Variants in PIEZO2 observed in about 807,000 individuals in gnomAD.
PIEZO2 encodes the protein piezo type mechanosensitive ion channel component 2, also known as piezo-type mechanosensitive ion channel component 2.
In PIEZO2, 172 loss-of-function variants were observed where a neutral mutation model predicts 337.3. That is an observed-to-expected ratio of 0.51 (90% CI 0.45 to 0.58). PIEZO2 has a LOEUF of 0.58. Ranked by LOEUF, PIEZO2 falls within the 20% of genes least tolerant of loss-of-function variation. PIEZO2 has a pLI of 0.00. For missense variants in PIEZO2, 3,028 were observed against 3,391.3 expected (o/e 0.89, Z 2.66); for synonymous variants, 1,251 against 1,228.5 (o/e 1.02, Z -0.38).
At chr18:10,723,426 G>C (rs1009777917) in intron 36 of PIEZO2, among the ~76,000 whole-genome samples, 1 of 152,156 alleles carries the variant, frequency 6.6e-6, no homozygotes, top group African/African-American at 2.4e-5. Context: ...CTGGAGACTG[G>C]GTATAGATGA....
At position 10,862,828 on chromosome 18, in the gene PIEZO2, T is replaced by C. The variant is rs1027207383; in HGVS notation, c.493-5617A>G. Among the ~76,000 whole-genome samples the C allele has an allele frequency of 3.3e-5, 5 of 152,360 alleles. No individual in the cohort carries two copies. Among genetic ancestry groups the C allele is most frequent in the East Asian group, 1.9e-4 (1 of 5,186 alleles). On this transcript the variant is annotated intron_variant, in intron 5 of 55. Coordinates refer to ENST00000674853, the MANE Select transcript of PIEZO2 (RefSeq NM_001378183.1). This position sits in a 1 kb window ranked among gnomAD's most constrained non-coding sequence, Gnocchi z 4.4. The stretch of plus-strand genomic sequence containing the variant: ...CAACCACTGATCAATGAATTCTCCA[T>C]AGGGGTTCAGCTGAATAGGCACAAT...
At chr18:11,060,314 TA>T (rs2037897599) in intron 2 of PIEZO2, among the ~76,000 whole-genome samples, 1 of 152,118 alleles carries the variant, frequency 6.6e-6, no homozygotes, top group Admixed American at 6.5e-5. Flanking sequence ...AGGAAAGTTC[TA>T]AAATTGACAC....
chr18:10,884,600 C>T (rs534351108), intron 4 of PIEZO2, among the ~76,000 whole-genome samples: 2 of 152,284 alleles, frequency 1.3e-5, no homozygotes, highest in African/African-American at 4.8e-5. Flanking sequence ...CTGCCTGCTT[C>T]GTGGAGGTGG....
rs2034579848 is a variant in PIEZO2 at position 10,979,443 on chromosome 18, G to A, written c.286+92C>T. 1 of 1,231,696 alleles carries A rather than the reference G, an allele frequency of 8.1e-7. No individual in the cohort carries two copies. The highest frequency in any genetic ancestry group is 1.0e-6 in the Non-Finnish European group (1 of 955,848). The allele number at this position is 1,231,696 out of a possible 1,614,324, so 76.3% of individuals were successfully genotyped here. ...AATTTTATAATTTAATTATTGCATA[G>A]ATTTCTATGTGTGCGATGACACACA... is the stretch of plus-strand genomic sequence containing the variant. On this transcript the variant is annotated intron_variant, in intron 3 of 55. Transcript: ENST00000674853. This position sits in a 1 kb window ranked among gnomAD's most constrained non-coding sequence, Gnocchi z 4.0.
intron 35 of PIEZO2, among the ~76,000 whole-genome samples, chr18:10,733,874 T>C (rs181019723): frequency 2.0e-5 from 3 of 152,330 alleles, no homozygotes; most frequent in Admixed American, 6.5e-5. Context: ...TGAAAGACCT[T>C]TGAGCTCTCC....
chr18:10,882,457 A>T (rs563756897), intron 4 of PIEZO2, among the ~76,000 whole-genome samples: 2 of 152,350 alleles, frequency 1.3e-5, no homozygotes, highest in African/African-American at 4.8e-5. Context: ...GAATTGACAA[A>T]TTGTATTTAG....
rs2036324121 is a variant in PIEZO2, at chr18:11,021,837, C to T, written c.161-42177G>A. Among the ~76,000 whole-genome samples, 1 of 152,202 alleles carries T rather than the reference C, an allele frequency of 6.6e-6. No individual in the cohort carries two copies. The highest frequency in any genetic ancestry group is 6.5e-5 in the Admixed American group (1 of 15,280). ...GAAAATGCCCAGCTCTGCTGCAGTTCCATTCTTCTCCATCTTGATGGCAGA... is the reference window on the plus strand; with the variant it reads ...GAAAATGCCCAGCTCTGCTGCAGTTTCATTCTTCTCCATCTTGATGGCAGA... On this transcript the variant is annotated intron_variant, in intron 2 of 55. Coordinates refer to ENST00000674853, the MANE Select transcript of PIEZO2 (RefSeq NM_001378183.1). This position sits in a 1 kb window ranked among gnomAD's most constrained non-coding sequence, Gnocchi z 4.7.
chr18:10,864,839 G>A (rs138441699), intron 5 of PIEZO2, among the ~76,000 whole-genome samples: 102 of 152,076 alleles, frequency 6.7e-4, no homozygotes, highest in Admixed American at 2.2e-3. Flanking sequence ...AGCGAATCCC[G>A]GAAGGACAAG....
chr18:11,147,929 A>C (rs2040849882), intron 1 of PIEZO2, among the ~76,000 whole-genome samples: 1 of 152,250 alleles, frequency 6.6e-6, no homozygotes, highest in Non-Finnish European at 1.5e-5. Flanking sequence ...GGGGGTCTAT[A>C]GCCTTAGCAT....
At chr18:10,811,802 G>A (rs1047640906) in intron 7 of PIEZO2, among the ~76,000 whole-genome samples, 1 of 152,202 alleles carries the variant, frequency 6.6e-6, no homozygotes, top group Admixed American at 6.5e-5. Context: ...GAATGTATAT[G>A]GTTCAGAAAT....
rs1415271534 is a variant in PIEZO2 at position 10,726,494 on chromosome 18, CTCCGCAAGCAGCCGTTCCTGTGGCGCGCT to C, written c.5029+4884_5029+4912del. On this transcript the variant is annotated intron_variant, in intron 36 of 55. Coordinates refer to ENST00000674853, the MANE Select transcript of PIEZO2 (RefSeq NM_001378183.1). The surrounding 1 kb of genome is among the most constrained non-coding windows in gnomAD (Gnocchi z 5.9). ...CCTGGCCACCCTGCACAGCGTGCTG[CTCCGCAAGCAGCCGTTCCTGTGGCGCGCT>C]GCGCTGCTCTGCTCTGCTACACCAG... 838 of 1,504,696 alleles carry C rather than the reference CTCCGCAAGCAGCCGTTCCTGTGGCGCGCT, an allele frequency of 5.6e-4. 5 individuals carry two copies. Among genetic ancestry groups the C allele is most frequent in the South Asian group, 1.3e-3 (101 of 78,762 alleles). 93.2% of individuals were successfully genotyped at this position (1,504,696 alleles called of 1,614,324 possible).
intron 2 of PIEZO2, among the ~76,000 whole-genome samples, chr18:11,000,293 T>C (rs1361366041): frequency 9.9e-5 from 15 of 152,222 alleles, no homozygotes; most frequent in Admixed American, 9.2e-4. Flanking sequence ...CTCAATTTTC[T>C]ATTTCCAATT....
chr18:10,789,251 T>C lies in PIEZO2; in HGVS notation c.1997A>G (p.Glu666Gly), dbSNP rs1347428824. The C allele has an allele frequency of 6.5e-7, 1 of 1,537,240 alleles. No individual in the cohort carries two copies. Among genetic ancestry groups the C allele is most frequent in the African/African-American group, 1.4e-5 (1 of 73,068 alleles). ...GACTTTCATGATGTCCTGCTCATCT[T>C]CTTCTTCAGCTTCCTCTTGCTCTAC... ...KKVEQEEAEE[E>G]DEQDIMKVLG... The change falls in exon 15 of 56, where the codon GAA becomes GGA. Residue 666 changes from glutamate to glycine, a missense_variant. Transcript: ENST00000674853.
rs1464819582 is a variant in PIEZO2 at position 11,077,998 on chromosome 18, A to G, written c.65-11776T>C. 1.3e-5 allele frequency among the ~76,000 whole-genome samples: 2 copies of G among 151,796 alleles called. No homozygotes were observed. The highest frequency in any genetic ancestry group is 2.9e-5 in the Non-Finnish European group (2 of 67,952). On this transcript the variant is annotated intron_variant, in intron 1 of 55. Transcript: ENST00000674853. This position sits in a 1 kb window ranked among gnomAD's most constrained non-coding sequence, Gnocchi z 4.8. ...GGTGACAGCCAAGGCCACAATACAC[A>G]CACATACACGCAAAAACACATGTGC...
At position 10,888,009 on chromosome 18, in the gene PIEZO2, G is replaced by A. The variant is rs80343797; in HGVS notation, c.330-16594C>T. 5.3e-3 allele frequency among the ~76,000 whole-genome samples: 806 copies of A among 152,174 alleles called. 3 individuals carry two copies. The highest frequency in any genetic ancestry group is 0.018 in the African/African-American group (754 of 41,516). The stretch of plus-strand genomic sequence containing the variant: ...CTTTGTAAGGATATATTCTGAAATT[G>A]CATCAATGTCCTCTGCCTTATCAAG... On this transcript the variant is annotated intron_variant, in intron 4 of 55. Coordinates refer to ENST00000674853, the MANE Select transcript of PIEZO2 (RefSeq NM_001378183.1). This position sits in a 1 kb window ranked among gnomAD's most constrained non-coding sequence, Gnocchi z 4.1.
intron 1 of PIEZO2, among the ~76,000 whole-genome samples, chr18:11,066,890 G>T: frequency 6.6e-6 from 1 of 152,106 alleles, no homozygotes; most frequent in East Asian, 1.9e-4. Context: ...GTGAGCCACC[G>T]CATCTGGCCT....
At chr18:11,040,312 A>T (rs2037074872) in intron 2 of PIEZO2, among the ~76,000 whole-genome samples, 1 of 151,786 alleles carries the variant, frequency 6.6e-6, no homozygotes, top group Admixed American at 6.6e-5. Flanking sequence ...TAAATTTTGA[A>T]CTCCTTGAGT....
chr18:10,832,696 A>C (rs77759051), intron 7 of PIEZO2, among the ~76,000 whole-genome samples: 3,885 of 152,324 alleles, frequency 0.026, 173 homozygotes, highest in African/African-American at 0.089. Context: ...CAATTCCATC[A>C]GTTCCCTCCA....
At chr18:10,937,508 A>G (rs1598719624) in intron 3 of PIEZO2, among the ~76,000 whole-genome samples, 1 of 152,176 alleles carries the variant, frequency 6.6e-6, no homozygotes, top group East Asian at 1.9e-4. Flanking sequence ...CTAAATATCT[A>G]TATGTTATTT....
Sources: allele counts gnomAD v4.1 joint callset (sites outside exome capture counted in the v4.1 genomes callset), GRCh38; gene constraint gnomAD v4.1.1; non-coding constraint Gnocchi (gnomAD v3.1); transcripts MANE v1.5; gene names NCBI Gene and HGNC (gene_info 2026-07-23, HGNC 2026-07-21).